The following MAPK9 variants were observed in gnomAD, a reference collection of about 807,000 sequenced individuals.
MAPK9 encodes the protein Jun kinase.
Under a neutral mutation model 57.1 loss-of-function variants are expected in MAPK9, and 30 were observed. The ratio of observed to expected loss-of-function variants is 0.53; its 90% CI spans 0.39 to 0.71. MAPK9 has a LOEUF of 0.71. Ranked by LOEUF, MAPK9 falls within the 30% of genes least tolerant of loss-of-function variation. MAPK9 has a pLI of 0.00. For missense variants in MAPK9, 362 were observed against 521.0 expected, an observed-to-expected ratio of 0.69 and a Z score of 2.97; for synonymous variants, 155 against 177.0, an observed-to-expected ratio of 0.88 and a Z score of 0.99.
intron 8 of MAPK9, 149 bp from the exon 9 acceptor site, chr5:180,241,304 ATT>A (rs568488906): frequency 0.011 from 5,465 of 514,838 alleles, no homozygotes; most frequent in South Asian, 0.017. Context: ...ATAACCCAAA[ATT>A]TTTTTTTTTT....
chr5:180,269,129 AAAAAAAC>A (rs1219838569), intron 3 of MAPK9, 144 bp downstream of exon 3: 2 of 852,996 alleles, frequency 2.3e-6, no homozygotes, highest in African/African-American at 1.7e-5. Context: ...ACAAAAAAAC[AAAAAAAC>A]AAAAAACAAA....
intron 2 of MAPK9, among the ~76,000 whole-genome samples, chr5:180,269,683 A>C (rs1181055338): frequency 1.3e-5 from 2 of 152,220 alleles, no homozygotes; most frequent in Non-Finnish European, 1.5e-5. Flanking sequence ...TTACATTCAA[A>C]ACCAGGTAAT....
At chr5:180,256,258 T>C (rs1561805320) in intron 5 of MAPK9, among the ~76,000 whole-genome samples, 1 of 152,220 alleles carries the variant, frequency 6.6e-6, no homozygotes, top group Non-Finnish European at 1.5e-5. Flanking sequence ...AAATTTATGT[T>C]TTGTATTAAA....
At chr5:180,267,548 C>A (rs563567445) in intron 3 of MAPK9, among the ~76,000 whole-genome samples, 2 of 120,366 alleles carry the variant, frequency 1.7e-5, no homozygotes, top group Non-Finnish European at 3.2e-5. Context: ...GGCGACAGAG[C>A]GAGACTCCGT....
intron 4 of MAPK9, among the ~76,000 whole-genome samples, chr5:180,262,636 A>C (rs1760101313): frequency 6.6e-6 from 1 of 151,050 alleles, no homozygotes; most frequent in Non-Finnish European, 1.5e-5. Context: ...GGGTTTTGCC[A>C]TGTTGCCCAG....
chr5:180,269,435 A>G (rs781564183), intron 2 of MAPK9, 26 bp from the exon 3 acceptor site: 2 of 1,607,108 alleles, frequency 1.2e-6, no homozygotes, highest in Non-Finnish European at 1.7e-6. Context: ...ATAATGCACA[A>G]TCCATTAGAA....
At chr5:180,244,945 C>T (rs1298547947) in intron 7 of MAPK9, among the ~76,000 whole-genome samples, 7 of 152,182 alleles carry the variant, frequency 4.6e-5, no homozygotes, top group Non-Finnish European at 1.0e-4. Context: ...GCCCAGGGGC[C>T]AATCCCCCGT....
chr5:180,280,727 T>C, intron 1 of MAPK9, 119 bp from the exon 2 acceptor site: 1 of 727,592 alleles, frequency 1.4e-6, no homozygotes, highest in Non-Finnish European at 2.0e-6. Flanking sequence ...ATAAAGTCAA[T>C]CTGACCAAGT....
chr5:180,242,703 C>T lies in MAPK9; in HGVS notation c.741G>A (p.Glu247=). The change falls in exon 8 of 12, where the codon GAG becomes GAA. Residue 247 remains glutamate, a synonymous_variant. Transcript: ENST00000452135. The stretch of plus-strand genomic sequence containing the variant: ...CAGTTGGCTGAAGTTTCTTCATGAA[C>T]TCTGCTGATGGTGTTCCCAGCTGCT... ...VIEQLGTPSA[E]FMKKLQPTVR... 9 of 1,614,110 alleles carry T rather than the reference C, an allele frequency of 5.6e-6. No homozygotes were observed. The highest frequency in any genetic ancestry group is 7.6e-6 in the Non-Finnish European group (9 of 1,180,000).
intron 3 of MAPK9, 58 bp downstream of exon 3, chr5:180,269,222 A>T (rs562402014): frequency 6.5e-7 from 1 of 1,546,852 alleles, no homozygotes; most frequent in Non-Finnish European, 8.9e-7. Flanking sequence ...AAAACCCTGA[A>T]GATTACCACA....
At chr5:180,260,222 C>T (rs541918527) in intron 5 of MAPK9, among the ~76,000 whole-genome samples, 2 of 152,134 alleles carry the variant, frequency 1.3e-5, no homozygotes, top group South Asian at 2.1e-4. Flanking sequence ...ATGTAAAGAA[C>T]GTGGGGATGC....
At chr5:180,251,818 C>T (rs904980108) in intron 5 of MAPK9, among the ~76,000 whole-genome samples, 3 of 152,108 alleles carry the variant, frequency 2.0e-5, no homozygotes, top group Admixed American at 6.5e-5. Context: ...CCACAGCACC[C>T]GCAGCATGAG....
chr5:180,233,683 G>C lies in MAPK9; in HGVS notation c.*2701C>G, dbSNP rs1756988166. Reference sequence around the variant, plus strand: ...ATAAAACATTAGCAATGTTACTTTTGAGATATGCAATCTGAAAGGTCACAC... The same window carrying C: ...ATAAAACATTAGCAATGTTACTTTTCAGATATGCAATCTGAAAGGTCACAC... On this transcript the variant is annotated 3_prime_UTR_variant, in exon 12 of 12. Transcript: ENST00000452135. 1 of 152,198 alleles carries C rather than the reference G, an allele frequency of 6.6e-6. No individual in the cohort carries two copies. The highest frequency in any genetic ancestry group is 1.5e-5 in the Non-Finnish European group (1 of 68,038). 9.4% of individuals were successfully genotyped at this position (152,198 alleles called of 1,614,324 possible). A position where few individuals can be genotyped will look rare whatever the true frequency, so the allele number is the denominator to read the frequency against.
intron 1 of MAPK9, among the ~76,000 whole-genome samples, chr5:180,286,228 C>G (rs1447572650): frequency 7.2e-6 from 1 of 139,190 alleles, no homozygotes; most frequent in Non-Finnish European, 1.5e-5. Flanking sequence ...TCACTGCAAG[C>G]TCCGCCTCCC....
At chr5:180,266,887 T>C (rs1017413709) in intron 3 of MAPK9, among the ~76,000 whole-genome samples, 1 of 152,170 alleles carries the variant, frequency 6.6e-6, no homozygotes, top group Non-Finnish European at 1.5e-5. Context: ...TATGCAAAAA[T>C]TCAGGCGTTA....
At position 180,266,584 on chromosome 5, in the gene MAPK9, T is replaced by C. The variant is rs927095572; in HGVS notation, c.253-1745A>G. On this transcript the variant is annotated intron_variant, in intron 3 of 11. Coordinates refer to ENST00000452135, the MANE Select transcript of MAPK9 (RefSeq NM_002752.5). ...CCACCTGCCTTGGCCTCCCAAAGTG[T>C]TGGGATTACAGGTGTGAGCCACAGC... 5.9e-5 allele frequency among the ~76,000 whole-genome samples: 9 copies of C among 151,932 alleles called. No homozygotes were observed. In the East Asian group the frequency reaches 7.8e-4, roughly 13 times the overall value.
intron 11 of MAPK9, 175 bp downstream of exon 11, chr5:180,238,157 C>A: frequency 2.1e-6 from 1 of 466,566 alleles, no homozygotes; most frequent in South Asian, 2.1e-5. Flanking sequence ...GTAGTCCCAG[C>A]TACTCGGGAG....
intron 2 of MAPK9, chr5:180,280,156 TATC>T (rs1205091690): frequency 8.7e-6 from 4 of 458,772 alleles, no homozygotes; most frequent in Non-Finnish European, 1.2e-5. Context: ...ACTACTCTGA[TATC>T]ATAATGACAG....
At position 180,242,710 on chromosome 5, in the gene MAPK9, G is replaced by A. The variant is rs1757765475; in HGVS notation, c.734C>T (p.Ser245Leu). 1 of 1,613,978 alleles carries A rather than the reference G, an allele frequency of 6.2e-7. No individual in the cohort carries two copies. Among genetic ancestry groups the A allele is most frequent in the Non-Finnish European group, 8.5e-7 (1 of 1,180,018 alleles). ...NKVIEQLGTP[S>L]AEFMKKLQPT... ...CTGAAGTTTCTTCATGAACTCTGCT[G>A]ATGGTGTTCCCAGCTGCTCAATAAC... Residue 245 changes from serine to leucine, a missense_variant, in exon 8 of 12, where the codon TCA becomes TTA. Ser to Leu is a moderately radical substitution (Grantham distance 145). This residue lies in a region of MAPK9 where 199 missense variants were observed against 251.3 expected (regional missense o/e 0.79). Transcript: ENST00000452135.
Sources: gnomAD v4.1 joint callset for allele counts (sites outside exome capture counted in the v4.1 genomes callset) on GRCh38, gnomAD v4.1.1 for gene constraint, gnomAD v4.1.1 regional missense constraint, MANE v1.5 for transcripts, NCBI Gene and HGNC (gene_info 2026-07-23, HGNC 2026-07-21) for gene names.